The following CEP63 variants were observed in gnomAD, a reference collection of about 807,000 sequenced individuals.
The protein encoded by CEP63 is centrosomal protein 63, also known as centrosomal protein of 63 kDa.
CEP63 carries 84 observed loss-of-function variants against 89.1 expected under a neutral mutation model. That is an observed-to-expected ratio of 0.94 (90% CI 0.79 to 1.13). The LOEUF (loss-of-function observed/expected upper bound fraction) is 1.13. Ranked by LOEUF, CEP63 falls within the 50% of genes most tolerant of loss-of-function variation. The pLI is 0.00. For synonymous variants in CEP63, 267 were observed against 272.5 expected (o/e 0.98, Z 0.20); for missense variants, 838 against 813.3 (o/e 1.03, Z -0.37).
chr3:134,728,749 C>T, the CEP63 span, among the ~76,000 whole-genome samples: 1 of 152,116 alleles, frequency 6.6e-6, no homozygotes, highest in Non-Finnish European at 1.5e-5. Flanking sequence ...CTTATGTAAA[C>T]ATTATTACAT....
At chr3:134,605,929 G>A in the CEP63 span, among the ~76,000 whole-genome samples, 6 of 152,164 alleles carry the variant, frequency 3.9e-5, no homozygotes, top group African/African-American at 1.4e-4. Flanking sequence ...CTGAAATTGT[G>A]TGACTCTTGG....
chr3:134,665,702 C>CAGAGAGAGAG, the CEP63 span, among the ~76,000 whole-genome samples: 7 of 102,382 alleles, frequency 6.8e-5, no homozygotes, highest in African/African-American at 2.8e-4. Context: ...CACACACACA[C>CAGAGAGAGAG]AGAGAGAGAG....
chr3:134,564,965 A>G lies in CEP63; in HGVS notation c.*3430A>G. 1.0e-6 allele frequency: 1 copy of G among 978,052 alleles called. No homozygotes were observed. Among genetic ancestry groups the G allele is most frequent in the Non-Finnish European group, 1.2e-6 (1 of 823,162 alleles). The allele number at this position is 978,052 out of a possible 1,614,324, so 60.6% of individuals were successfully genotyped here. Reference sequence around the variant, plus strand: ...AAATTTGTCAGAACATTTGACTGTAATTTAATGTCTCACCATTTTTCAAAA... The same window carrying G: ...AAATTTGTCAGAACATTTGACTGTAGTTTAATGTCTCACCATTTTTCAAAA... On this transcript the variant is annotated 3_prime_UTR_variant, in exon 15 of 15. Coordinates refer to ENST00000675561, the MANE Select transcript of CEP63 (RefSeq NM_001353108.3).
the CEP63 span, chr3:134,651,298 C>A: frequency 1.7e-6 from 2 of 1,186,638 alleles, no homozygotes; most frequent in Non-Finnish European, 2.1e-6. Flanking sequence ...GCCCGGTGCA[C>A]TTGAAGCGCT....
At chr3:134,597,129 C>A in the CEP63 span, among the ~76,000 whole-genome samples, 1 of 152,116 alleles carries the variant, frequency 6.6e-6, no homozygotes, top group East Asian at 1.9e-4. Flanking sequence ...CTAGTCTCAT[C>A]CCTGAGCAAT....
At chr3:134,508,501 A>G (rs1944025510) in intron 3 of CEP63, among the ~76,000 whole-genome samples, 1 of 152,232 alleles carries the variant, frequency 6.6e-6, no homozygotes, top group Non-Finnish European at 1.5e-5. Flanking sequence ...CTCCTAGGGC[A>G]AAACAAAATT....
the CEP63 span, chr3:134,610,120 T>A: frequency 1.3e-6 from 2 of 1,492,122 alleles, no homozygotes; most frequent in Non-Finnish European, 1.8e-6. Context: ...CTTCTCCACC[T>A]GCTGCTTCAT....
At chr3:134,490,759 C>T (rs9850198) in intron 1 of CEP63, among the ~76,000 whole-genome samples, 59 of 151,832 alleles carry the variant, frequency 3.9e-4, no homozygotes, top group Non-Finnish European at 8.1e-4. Flanking sequence ...TCTATCCTTC[C>T]ATTAAAAAAA....
the CEP63 span, among the ~76,000 whole-genome samples, chr3:134,778,851 C>T: frequency 2.0e-5 from 3 of 152,136 alleles, no homozygotes; most frequent in African/African-American, 4.8e-5. Context: ...TGAGCCACCG[C>T]GCGGCCATTT....
the CEP63 span, chr3:134,643,475 C>T: frequency 2.6e-5 from 26 of 1,014,292 alleles, no homozygotes; most frequent in African/African-American, 2.1e-4. Flanking sequence ...GGTGGGCTGG[C>T]GGGGGCCAAG....
At chr3:134,650,091 T>G in the CEP63 span, among the ~76,000 whole-genome samples, 1 of 152,208 alleles carries the variant, frequency 6.6e-6, no homozygotes. Context: ...CCATTCACAT[T>G]GTGTTCTGTC....
chr3:134,717,771 A>G, the CEP63 span, among the ~76,000 whole-genome samples: 1 of 152,354 alleles, frequency 6.6e-6, no homozygotes, highest in South Asian at 2.1e-4. Flanking sequence ...TGAAGACCAT[A>G]GAGACAATAG....
the CEP63 span, among the ~76,000 whole-genome samples, chr3:134,649,775 C>T: frequency 2.6e-5 from 4 of 152,346 alleles, 1 homozygote; most frequent in African/African-American, 9.6e-5. Context: ...GCAAGGCCAT[C>T]CACAGCAGCA....
the CEP63 span, among the ~76,000 whole-genome samples, chr3:134,648,792 A>C: frequency 7.2e-5 from 11 of 152,318 alleles, no homozygotes; most frequent in African/African-American, 2.6e-4. Flanking sequence ...CATCCTCTGC[A>C]TTGCAACAAT....
the CEP63 span, among the ~76,000 whole-genome samples, chr3:134,624,723 G>C: frequency 1.3e-5 from 2 of 152,216 alleles, no homozygotes; most frequent in Non-Finnish European, 2.9e-5. Context: ...GGCAGGCATA[G>C]CTTAGGAGCA....
At chr3:134,694,130 T>C in the CEP63 span, among the ~76,000 whole-genome samples, 1 of 152,130 alleles carries the variant, frequency 6.6e-6, no homozygotes, top group Non-Finnish European at 1.5e-5. Flanking sequence ...TGTCATTCAA[T>C]GTGAAGGGCA....
the CEP63 span, chr3:134,608,212 C>T: frequency 8.4e-7 from 1 of 1,185,164 alleles, no homozygotes; most frequent in Non-Finnish European, 1.1e-6. Context: ...AGGCCAGTAG[C>T]TTCTGTTGGG....
At chr3:134,539,795 ATTTCT>A (rs1342766364) in intron 6 of CEP63, among the ~76,000 whole-genome samples, 1 of 152,180 alleles carries the variant, frequency 6.6e-6, no homozygotes, top group Non-Finnish European at 1.5e-5. Flanking sequence ...GCTTGAATTC[ATTTCT>A]TTTAATCAGC....
chr3:134,584,763 C>T (rs1440077399), intron 10 of CEP63, among the ~76,000 whole-genome samples: 1 of 152,036 alleles, frequency 6.6e-6, no homozygotes, highest in East Asian at 1.9e-4. Flanking sequence ...GTACCAGCTC[C>T]TCTTTGTACC....
Sources: allele counts gnomAD v4.1 joint callset (sites outside exome capture counted in the v4.1 genomes callset), GRCh38; gene constraint gnomAD v4.1.1; transcripts MANE v1.5; gene names NCBI Gene and HGNC (gene_info 2026-07-23, HGNC 2026-07-21).